The following PELI2 variants were observed in gnomAD, a reference collection of about 807,000 sequenced individuals.
PELI2 encodes the protein E3 ubiquitin-protein ligase pellino homolog 2.
Under a neutral mutation model 42.3 loss-of-function variants are expected in PELI2, and 23 were observed. That is an observed-to-expected ratio of 0.54 (90% CI 0.39 to 0.77). The LOEUF (loss-of-function observed/expected upper bound fraction) is 0.77. Among genes scored for constraint, PELI2 ranks in the 30% least tolerant of loss-of-function variants. The probability of loss-of-function intolerance (pLI) is 0.00; values close to 1 mark genes in which losing one functional copy is unlikely to be tolerated. For missense variants in PELI2, 463 were observed against 553.2 expected (o/e 0.84, Z 1.64); for synonymous variants, 245 against 212.2 (o/e 1.15, Z -1.34).
At chr14:56,278,677 A>C (rs1889377366) in intron 2 of PELI2, among the ~76,000 whole-genome samples, 1 of 152,212 alleles carries the variant, frequency 6.6e-6, no homozygotes, top group South Asian at 2.1e-4. Flanking sequence ...TATTGCTGTA[A>C]GGAATTACAT....
At chr14:56,214,091 G>A (rs1270354142) in intron 2 of PELI2, among the ~76,000 whole-genome samples, 1 of 152,154 alleles carries the variant, frequency 6.6e-6, no homozygotes, top group Admixed American at 6.5e-5. Flanking sequence ...GACCTCAATG[G>A]ATCCGCCCAC....
intron 1 of PELI2, among the ~76,000 whole-genome samples, chr14:56,133,263 T>C: frequency 6.6e-6 from 1 of 152,238 alleles, no homozygotes; most frequent in Non-Finnish European, 1.5e-5. Context: ...AAGCCAAATA[T>C]ATTTTTTCTT....
At chr14:56,287,775 T>C (rs761533377) in intron 3 of PELI2, among the ~76,000 whole-genome samples, 15 of 152,226 alleles carry the variant, frequency 9.9e-5, no homozygotes, top group Non-Finnish European at 1.8e-4. Flanking sequence ...GGAAGCAAGC[T>C]GAGCTAAGTG....
At chr14:56,220,434 T>C (rs1416628513) in intron 2 of PELI2, among the ~76,000 whole-genome samples, 2 of 152,218 alleles carry the variant, frequency 1.3e-5, no homozygotes, top group East Asian at 1.9e-4. Flanking sequence ...ATTTTTCTTC[T>C]GAAAAATGTG....
intron 1 of PELI2, among the ~76,000 whole-genome samples, chr14:56,152,816 T>G (rs1253191883): frequency 6.6e-6 from 1 of 152,234 alleles, no homozygotes; most frequent in African/African-American, 2.4e-5. Context: ...AAAATGAAGT[T>G]TTCACATACT....
At chr14:56,166,081 C>T (rs567649443) in intron 1 of PELI2, among the ~76,000 whole-genome samples, 10 of 151,966 alleles carry the variant, frequency 6.6e-5, no homozygotes, top group Admixed American at 1.3e-4. Flanking sequence ...CTTCCTCTAG[C>T]GAAGGTGATT....
intron 2 of PELI2, among the ~76,000 whole-genome samples, chr14:56,271,473 G>A (rs1335196387): frequency 1.3e-5 from 2 of 152,202 alleles, no homozygotes; most frequent in South Asian, 2.1e-4. Context: ...TTCCAATTTC[G>A]TTTGGCCCTT....
At chr14:56,118,808 G>A in intron 1 of PELI2, 71 bp downstream of exon 1, 2 of 1,100,836 alleles carry the variant, frequency 1.8e-6, no homozygotes, top group South Asian at 3.2e-5. Context: ...AGCGGGGCTG[G>A]CGGGGTGGCT....
rs375113756 is a variant in PELI2 at position 56,219,315 on chromosome 14, T to TC, written c.207+40856dup. On this transcript the variant is annotated intron_variant, in intron 2 of 5. Transcript: ENST00000267460. This position sits in a 1 kb window ranked among gnomAD's most constrained non-coding sequence, Gnocchi z 4.1. ...GGGGCTCCAAAACTGAAAGAGGAGA[T>TC]CCCCCTCTTAATTCTTAAACTATTT... is the stretch of plus-strand genomic sequence containing the variant. Among the ~76,000 whole-genome samples the TC allele has an allele frequency of 2.6e-3, 402 of 152,158 alleles. 2 individuals carry two copies. The highest frequency in any genetic ancestry group is 8.1e-3 in the African/African-American group (335 of 41,498).
chr14:56,237,415 C>T (rs1887836545), intron 2 of PELI2, among the ~76,000 whole-genome samples: 3 of 152,308 alleles, frequency 2.0e-5, no homozygotes, highest in Middle Eastern at 3.4e-3. Context: ...TCCCATTCTA[C>T]TCAGACAACT....
At position 56,294,156 on chromosome 14, in the gene PELI2, C is replaced by G. The variant is rs73275206; in HGVS notation, c.697-2444C>G. On this transcript the variant is annotated intron_variant, in intron 5 of 5. Transcript: ENST00000267460. The stretch of plus-strand genomic sequence containing the variant: ...TCATTTGTTGGGACCTTAACTTTTT[C>G]TAAAAACTAATACTTGGGAAGGGCT... Among the ~76,000 whole-genome samples the G allele has an allele frequency of 5.9e-3, 904 of 152,268 alleles. 9 individuals are homozygous for G. Among genetic ancestry groups the G allele is most frequent in the African/African-American group, 0.021 (868 of 41,562 alleles).
intron 1 of PELI2, among the ~76,000 whole-genome samples, chr14:56,125,008 A>G (rs1011452652): frequency 1.3e-5 from 2 of 152,152 alleles, no homozygotes; most frequent in Non-Finnish European, 2.9e-5. Flanking sequence ...TGCTAGTATG[A>G]GATGGGAGTG....
intron 5 of PELI2, among the ~76,000 whole-genome samples, chr14:56,295,345 TC>T (rs956108958): frequency 6.6e-6 from 1 of 151,042 alleles, no homozygotes; most frequent in Non-Finnish European, 1.5e-5. Flanking sequence ...GGGTCTCTCG[TC>T]CCCCCCCACC....
intron 2 of PELI2, among the ~76,000 whole-genome samples, chr14:56,207,682 C>T (rs1886569098): frequency 6.6e-6 from 1 of 152,176 alleles, no homozygotes; most frequent in African/African-American, 2.4e-5. Context: ...GTAAGGGTTA[C>T]AGAGCCCCTC....
intron 2 of PELI2, among the ~76,000 whole-genome samples, chr14:56,265,398 C>A (rs994986945): frequency 6.6e-6 from 1 of 152,014 alleles, no homozygotes; most frequent in Non-Finnish European, 1.5e-5. Flanking sequence ...TTTAAACAGA[C>A]GGTGCTGTTT....
intron 5 of PELI2, among the ~76,000 whole-genome samples, chr14:56,291,657 G>A (rs148902739): frequency 3.2e-4 from 48 of 152,140 alleles, no homozygotes; most frequent in Non-Finnish European, 6.3e-4. Flanking sequence ...ACCTAGATTG[G>A]CCAAACTGGT....
At chr14:56,152,421 A>C (rs1056361603) in intron 1 of PELI2, among the ~76,000 whole-genome samples, 1 of 152,164 alleles carries the variant, frequency 6.6e-6, no homozygotes, top group Non-Finnish European at 1.5e-5. Flanking sequence ...TATTCTACTA[A>C]AAGGAAGATG....
At chr14:56,164,660 C>T (rs949728874) in intron 1 of PELI2, among the ~76,000 whole-genome samples, 1 of 151,962 alleles carries the variant, frequency 6.6e-6, no homozygotes, top group Non-Finnish European at 1.5e-5. Context: ...AGTGAAGTCA[C>T]CAGGTTCCGG....
intron 2 of PELI2, among the ~76,000 whole-genome samples, chr14:56,228,687 G>A (rs1022670533): frequency 2.6e-5 from 4 of 152,238 alleles, no homozygotes; most frequent in Non-Finnish European, 5.9e-5. Flanking sequence ...CAGTGTGAGC[G>A]ATGCAGAAGA....
Sources: allele counts gnomAD v4.1 joint callset (sites outside exome capture counted in the v4.1 genomes callset), GRCh38; gene constraint gnomAD v4.1.1; non-coding constraint Gnocchi (gnomAD v3.1); transcripts MANE v1.5; gene names NCBI Gene and HGNC (gene_info 2026-07-23, HGNC 2026-07-21).